INPP4B: variants seen among roughly 807,000 people sequenced by gnomAD.
INPP4B encodes the protein inositol polyphosphate 4-phosphatase type II.
Under a neutral mutation model 122.5 loss-of-function variants are expected in INPP4B, and 55 were observed. That is an observed-to-expected ratio of 0.45 (90% confidence interval 0.36 to 0.56). The LOEUF (loss-of-function observed/expected upper bound fraction) is 0.56, where lower values mean the gene tolerates loss of function less well. Ranked by LOEUF, INPP4B falls within the 20% of genes least tolerant of loss-of-function variation. The pLI is 0.00. For missense variants in INPP4B, 1,000 were observed against 1,097.7 expected (o/e 0.91, Z 1.26); for synonymous variants, 403 against 388.7 (o/e 1.04, Z -0.43).
At chr4:142,605,012 A>T (rs934866631) in intron 2 of INPP4B, among the ~76,000 whole-genome samples, 2 of 152,146 alleles carry the variant, frequency 1.3e-5, no homozygotes, top group African/African-American at 2.4e-5. Context: ...TATTGGTATA[A>T]AAACAGACAC....
At chr4:142,783,733 T>C (rs1393206607) in intron 1 of INPP4B, among the ~76,000 whole-genome samples, 10 of 152,266 alleles carry the variant, frequency 6.6e-5, no homozygotes, top group Admixed American at 5.9e-4. Flanking sequence ...GAGAGTGTAA[T>C]GACACTTCAT....
chr4:142,744,619 A>G (rs1442940883), intron 1 of INPP4B, among the ~76,000 whole-genome samples: 2 of 151,876 alleles, frequency 1.3e-5, no homozygotes, highest in Non-Finnish European at 2.9e-5. Flanking sequence ...GCTAACAATG[A>G]GCCAATATCT....
At chr4:142,366,510 G>GAAATAA (rs1787542819) in intron 7 of INPP4B, among the ~76,000 whole-genome samples, 1 of 151,928 alleles carries the variant, frequency 6.6e-6, no homozygotes, top group Admixed American at 6.6e-5. Flanking sequence ...TTAAAAAGAA[G>GAAATAA]AAATAAAGTG....
intron 25 of INPP4B, among the ~76,000 whole-genome samples, chr4:142,031,456 C>T (rs540825916): frequency 1.3e-5 from 2 of 152,154 alleles, no homozygotes; most frequent in African/African-American, 4.8e-5. Flanking sequence ...TTATTTCATA[C>T]AATATGAATT....
Position 142,700,545 on chromosome 4 carries a change from T to C in INPP4B, c.-191+25294A>G, listed in dbSNP as rs1761606003. Among the ~76,000 whole-genome samples the C allele has an allele frequency of 2.6e-5, 4 of 152,238 alleles. No homozygotes were observed. The South Asian group carries it at 8.3e-4, about 31-fold the overall frequency. On this transcript the variant is annotated intron_variant, in intron 2 of 25. Coordinates refer to ENST00000262992, the MANE Select transcript of INPP4B (RefSeq NM_001101669.3). The stretch of plus-strand genomic sequence containing the variant: ...CTTCTTTTCTTCAAAGTATCTGTTC[T>C]AAATTCTATTAACCCCTTCATTCCA...
chr4:142,607,556 T>G (rs2150323098), intron 2 of INPP4B, among the ~76,000 whole-genome samples: 1 of 152,256 alleles, frequency 6.6e-6, no homozygotes, highest in Non-Finnish European at 1.5e-5. Flanking sequence ...TGGATTTGGA[T>G]GCTGGTCTGT....
intron 9 of INPP4B, among the ~76,000 whole-genome samples, chr4:142,289,874 C>G (rs1442155038): frequency 6.6e-6 from 1 of 152,178 alleles, no homozygotes; most frequent in Non-Finnish European, 1.5e-5. Flanking sequence ...TGAAATCTCA[C>G]ATTATTCATG....
intron 1 of INPP4B, among the ~76,000 whole-genome samples, chr4:142,785,522 C>T (rs1775633298): frequency 6.6e-6 from 1 of 151,780 alleles, no homozygotes. Context: ...AAATCAAAAA[C>T]GCGATGATAG....
chr4:142,702,756 A>T (rs1353165098), intron 2 of INPP4B, among the ~76,000 whole-genome samples: 1 of 126,166 alleles, frequency 7.9e-6, no homozygotes, highest in Non-Finnish European at 1.8e-5. Context: ...AAAAAAAAAG[A>T]ACTTTGAATT....
chr4:142,831,338 A>G (rs979224055), intron 1 of INPP4B, among the ~76,000 whole-genome samples: 1 of 152,206 alleles, frequency 6.6e-6, no homozygotes, highest in Non-Finnish European at 1.5e-5. Flanking sequence ...GCTTTGCTTT[A>G]GTGGCTCTAT....
At chr4:142,311,845 C>A (rs1047701755) in intron 8 of INPP4B, among the ~76,000 whole-genome samples, 18 of 152,098 alleles carry the variant, frequency 1.2e-4, no homozygotes, top group African/African-American at 4.1e-4. Flanking sequence ...TTTCACTCAA[C>A]CCAGAATGTG....
chr4:142,245,957 T>C (rs1303440821), intron 11 of INPP4B, among the ~76,000 whole-genome samples: 1 of 20,928 alleles, frequency 4.8e-5, no homozygotes, highest in African/African-American at 1.3e-4. Flanking sequence ...TACATATATA[T>C]GTGTATGTAT....
At chr4:142,731,121 A>ATCCCT (rs1182045764) in intron 1 of INPP4B, among the ~76,000 whole-genome samples, 1 of 152,064 alleles carries the variant, frequency 6.6e-6, no homozygotes. Flanking sequence ...TCCTGATGGT[A>ATCCCT]TCCCTTCCCC....
chr4:142,061,845 CATATATACATATATATATGT>C (rs1760802647), intron 25 of INPP4B, among the ~76,000 whole-genome samples: 1 of 96,310 alleles, frequency 1.0e-5, no homozygotes, highest in African/African-American at 3.9e-5. Context: ...CATATATGTA[CATATATACATATATATATGT>C]ACACACACAC....
rs558883330 is a variant in INPP4B, at chr4:142,520,157, G to A, written c.-190-57431C>T. Among the ~76,000 whole-genome samples the A allele has an allele frequency of 7.9e-5, 12 of 151,938 alleles. No homozygotes were observed. In the East Asian group the frequency reaches 1.4e-3, roughly 17 times the overall value. ...AAGTCCATGAAACAGCTTTTAGAGC[G>A]GCATGAATTACAGCAAAATAAAATT... is the stretch of plus-strand genomic sequence containing the variant. On this transcript the variant is annotated intron_variant, in intron 2 of 25. Coordinates refer to ENST00000262992, the MANE Select transcript of INPP4B (RefSeq NM_001101669.3).
intron 2 of INPP4B, among the ~76,000 whole-genome samples, chr4:142,695,955 G>C (rs910451299): frequency 6.6e-6 from 1 of 152,148 alleles, no homozygotes; most frequent in African/African-American, 2.4e-5. Context: ...GGCGGGCCAG[G>C]ATAATCCAAA....
intron 7 of INPP4B, among the ~76,000 whole-genome samples, chr4:142,382,625 TA>T (rs1794587147): frequency 1.7e-5 from 2 of 116,802 alleles, no homozygotes; most frequent in Non-Finnish European, 3.6e-5. Flanking sequence ...ATATATATAC[TA>T]TAAATATATA....
rs572766408 is a variant in INPP4B, at chr4:142,155,949, G to A, written c.1563+4409C>T. 1.1e-4 allele frequency among the ~76,000 whole-genome samples: 16 copies of A among 147,652 alleles called. No homozygotes were observed. In the South Asian group the frequency reaches 3.2e-3, roughly 30 times the overall value. The stretch of plus-strand genomic sequence containing the variant: ...AAATTATTGAAAAATTAATATGGAT[G>A]GATCATCCATTGTGTTTATGTAACA... On this transcript the variant is annotated intron_variant, in intron 17 of 25. Coordinates refer to ENST00000262992, the MANE Select transcript of INPP4B (RefSeq NM_001101669.3).
At chr4:142,464,858 A>T (rs1245360207) in intron 2 of INPP4B, among the ~76,000 whole-genome samples, 1 of 152,178 alleles carries the variant, frequency 6.6e-6, no homozygotes, top group African/African-American at 2.4e-5. Flanking sequence ...TTTATCTTTC[A>T]TCTTATTCAA....
Sources: allele counts gnomAD v4.1 joint callset (sites outside exome capture counted in the v4.1 genomes callset), GRCh38; gene constraint gnomAD v4.1.1; transcripts MANE v1.5; gene names NCBI Gene and HGNC (gene_info 2026-07-23, HGNC 2026-07-21).